Variants in CTNNA3 observed in about 807,000 individuals in gnomAD.
The protein encoded by CTNNA3 is catenin alpha-3.
In CTNNA3, 76 loss-of-function variants were observed where a neutral mutation model predicts 95.7. The ratio of observed to expected loss-of-function variants is 0.79; its 90% CI spans 0.66 to 0.96. The LOEUF (loss-of-function observed/expected upper bound fraction) is 0.96, where lower values mean the gene tolerates loss of function less well. Among genes scored for constraint, CTNNA3 ranks in the 40% least tolerant of loss-of-function variants. The pLI, the probability that CTNNA3 is intolerant of heterozygous loss-of-function variation, is 0.00. For synonymous variants in CTNNA3, 431 were observed against 374.4 expected (o/e 1.15, Z -1.74); for missense variants, 1,191 against 1,089.8 (o/e 1.09, Z -1.31).
At chr10:67,657,186 G>A (rs1202837446) in intron 1 of CTNNA3, among the ~76,000 whole-genome samples, 1 of 152,182 alleles carries the variant, frequency 6.6e-6, no homozygotes, top group East Asian at 1.9e-4. Context: ...GCAACTGGAA[G>A]GATAGAGTTG....
chr10:66,940,916 C>T (rs1006709432), intron 7 of CTNNA3, among the ~76,000 whole-genome samples: 1 of 152,118 alleles, frequency 6.6e-6, no homozygotes, highest in Non-Finnish European at 1.5e-5. Context: ...CAGTATGCAG[C>T]CTGCAGTAAC....
intron 7 of CTNNA3, among the ~76,000 whole-genome samples, chr10:66,908,125 G>T (rs1846069388): frequency 6.6e-6 from 1 of 152,172 alleles, no homozygotes; most frequent in African/African-American, 2.4e-5. Context: ...CATGCCACAT[G>T]CCAGGCTACT....
intron 7 of CTNNA3, among the ~76,000 whole-genome samples, chr10:66,805,617 T>C (rs1841611506): frequency 6.6e-6 from 1 of 151,652 alleles, no homozygotes. Flanking sequence ...GAGATGTCTA[T>C]TTTTCTCAGA....
In CTNNA3 at chr10:66,135,267, T is replaced by G. The variant is rs539682856; in HGVS notation, c.1885-32018A>C. On this transcript the variant is annotated intron_variant, in intron 13 of 17. Coordinates refer to ENST00000433211, the MANE Select transcript of CTNNA3 (RefSeq NM_013266.4). Reference sequence around the variant, plus strand: ...AGAACTGTTTGGAGATATGGTTCTTTCTGGCTAAGGTAATGTGTGCAATGA... The same window carrying G: ...AGAACTGTTTGGAGATATGGTTCTTGCTGGCTAAGGTAATGTGTGCAATGA... Among the ~76,000 whole-genome samples the G allele has an allele frequency of 3.9e-5, 6 of 152,304 alleles. No homozygotes were observed. The East Asian group carries it at 1.2e-3, about 29-fold the overall frequency.
intron 9 of CTNNA3, among the ~76,000 whole-genome samples, chr10:66,671,691 A>G (rs1846667531): frequency 6.6e-6 from 1 of 152,186 alleles, no homozygotes; most frequent in Non-Finnish European, 1.5e-5. Flanking sequence ...TAAACCAGGT[A>G]GTAAAAGGAA....
intron 11 of CTNNA3, among the ~76,000 whole-genome samples, chr10:66,430,379 C>T (rs1020028992): frequency 6.6e-6 from 1 of 152,100 alleles, no homozygotes; most frequent in African/African-American, 2.4e-5. Flanking sequence ...CAATGACTTT[C>T]TTCACAGAAT....
At chr10:65,948,060 G>A (rs772758443) in intron 17 of CTNNA3, among the ~76,000 whole-genome samples, 18 of 152,086 alleles carry the variant, frequency 1.2e-4, no homozygotes, top group Non-Finnish European at 2.2e-4. Context: ...GGCGGATCAC[G>A]AGGTCAGGAG....
chr10:66,732,400 C>T (rs1589185169), intron 9 of CTNNA3, among the ~76,000 whole-genome samples: 1 of 152,106 alleles, frequency 6.6e-6, no homozygotes, highest in East Asian at 1.9e-4. Flanking sequence ...GGCTTTGTAC[C>T]CTGATTAGTC....
At chr10:66,066,118 C>T (rs1053051232) in intron 15 of CTNNA3, among the ~76,000 whole-genome samples, 2 of 152,058 alleles carry the variant, frequency 1.3e-5, no homozygotes, top group African/African-American at 4.8e-5. Context: ...CCACCTTGGC[C>T]TCCCAAAGTG....
At chr10:66,564,988 G>C (rs1027410640) in intron 10 of CTNNA3, among the ~76,000 whole-genome samples, 7 of 152,108 alleles carry the variant, frequency 4.6e-5, no homozygotes, top group African/African-American at 1.7e-4. Context: ...TCTGCCTTTC[G>C]TATGCATATA....
chr10:67,545,986 C>T (rs556780485), intron 3 of CTNNA3, among the ~76,000 whole-genome samples: 1 of 152,062 alleles, frequency 6.6e-6, no homozygotes, highest in Admixed American at 6.5e-5. Context: ...ATATTTTGTA[C>T]AATGTATCTA....
chr10:65,971,533 A>G (rs2078102437), intron 16 of CTNNA3, among the ~76,000 whole-genome samples: 1 of 152,004 alleles, frequency 6.6e-6, no homozygotes. Flanking sequence ...CTCAGAAACT[A>G]TTGGGAACAC....
At position 66,551,928 on chromosome 10, in the gene CTNNA3, A is replaced by G. The variant is rs1435294656; in HGVS notation, c.1375-31155T>C. ...TTTTTTTTTTTTTTTTCTGAGACAG[A>G]GTCTCGCTCTGTCGCCCAGGCTGGA... is the stretch of plus-strand genomic sequence containing the variant. On this transcript the variant is annotated intron_variant, in intron 10 of 17. Coordinates refer to ENST00000433211, the MANE Select transcript of CTNNA3 (RefSeq NM_013266.4). 7.2e-5 allele frequency among the ~76,000 whole-genome samples: 9 copies of G among 124,526 alleles called. No homozygotes were observed. In the East Asian group the frequency reaches 1.6e-3, roughly 22 times the overall value. The allele number at this position is 124,526 out of a possible 152,430, so 81.7% of individuals were successfully genotyped here.
chr10:65,945,103 G>A (rs1256375736), intron 17 of CTNNA3, among the ~76,000 whole-genome samples: 1 of 151,758 alleles, frequency 6.6e-6, no homozygotes, highest in Non-Finnish European at 1.5e-5. Context: ...ATTTATATAT[G>A]TATGCATTTT....
At chr10:66,727,355 G>C (rs761678041) in intron 9 of CTNNA3, among the ~76,000 whole-genome samples, 1 of 151,976 alleles carries the variant, frequency 6.6e-6, no homozygotes, top group African/African-American at 2.4e-5. Context: ...TGAAAAATTA[G>C]TCTAGCTCCC....
chr10:66,713,994 A>G (rs1848374643), intron 9 of CTNNA3, among the ~76,000 whole-genome samples: 1 of 152,100 alleles, frequency 6.6e-6, no homozygotes, highest in Non-Finnish European at 1.5e-5. Flanking sequence ...AGAAAATCAC[A>G]TGATAGAATA....
intron 12 of CTNNA3, among the ~76,000 whole-genome samples, chr10:66,334,886 G>C (rs929675912): frequency 2.0e-5 from 3 of 151,970 alleles, no homozygotes; most frequent in Admixed American, 2.0e-4. Flanking sequence ...CGTAGATTTG[G>C]TCTTTCACAT....
chr10:67,660,196 T>G (rs1008856641), intron 1 of CTNNA3, among the ~76,000 whole-genome samples: 2 of 152,220 alleles, frequency 1.3e-5, no homozygotes, highest in Admixed American at 6.5e-5. Context: ...CAATATTTTC[T>G]TAAAGTTTCT....
At chr10:66,473,943 C>A (rs1415976861) in intron 11 of CTNNA3, among the ~76,000 whole-genome samples, 2 of 151,988 alleles carry the variant, frequency 1.3e-5, no homozygotes, top group Admixed American at 1.3e-4. Context: ...GGTTCCAAGT[C>A]TTTGCTATTG....
Sources: gnomAD v4.1 joint callset for allele counts (sites outside exome capture counted in the v4.1 genomes callset) on GRCh38, gnomAD v4.1.1 for gene constraint, MANE v1.5 for transcripts, NCBI Gene and HGNC (gene_info 2026-07-23, HGNC 2026-07-21) for gene names.